Variants in SH3RF3 observed in about 807,000 individuals in gnomAD.
SH3RF3 encodes SH3 domain containing ring finger 3.
A neutral mutation model predicts 66.3 loss-of-function variants in SH3RF3; 29 were observed. The observed-to-expected ratio is 0.44, with a 90% CI of 0.33 to 0.60. SH3RF3 has a LOEUF of 0.60. Ranked by LOEUF, SH3RF3 falls within the 20% of genes least tolerant of loss-of-function variation. SH3RF3 has a pLI of 0.04. For synonymous variants in SH3RF3, 583 were observed against 532.0 expected, an observed-to-expected ratio of 1.10 and a Z score of -1.32; for missense variants, 1,194 against 1,190.9, an observed-to-expected ratio of 1.00 and a Z score of -0.04.
intron 1 of SH3RF3, among the ~76,000 whole-genome samples, chr2:109,216,115 G>A (rs1679096974): frequency 6.6e-6 from 1 of 152,204 alleles, no homozygotes; most frequent in Non-Finnish European, 1.5e-5. Context: ...GAACCCGGGG[G>A]ACATCGTGAG....
At chr2:109,364,093 A>G (rs1273017583) in intron 2 of SH3RF3, among the ~76,000 whole-genome samples, 3 of 150,222 alleles carry the variant, frequency 2.0e-5, no homozygotes, top group Non-Finnish European at 4.4e-5. Flanking sequence ...TTCCCATTAC[A>G]TATGTATAAT....
rs1023641313 is a variant in SH3RF3 at position 109,143,722 on chromosome 2, C to A, written c.573+13609C>A. ...TGAGCCGTGATCGCACCACTGCACT[C>A]CAGCCTGGGCAACAGAGTGACACCC... is the stretch of plus-strand genomic sequence containing the variant. On this transcript the variant is annotated intron_variant, in intron 1 of 9. Coordinates refer to ENST00000309415, the MANE Select transcript of SH3RF3 (RefSeq NM_001099289.3). Among the ~76,000 whole-genome samples, 23 of 152,180 alleles carry A rather than the reference C, an allele frequency of 1.5e-4. 1 individual carries two copies. The East Asian group carries it at 4.4e-3, about 29-fold the overall frequency.
rs201884932 is a variant in SH3RF3, at chr2:109,398,767, A to G, written c.1123A>G (p.Asn375Asp). The stretch of plus-strand genomic sequence containing the variant: ...TCAGCGGCGTGTGGATGGCAAGAAG[A>G]ACACCAAGAAACGCCACTCCTTCAC... The part of the protein sequence containing the change: ...AFQRRVDGKK[N>D]TKKRHSFTAL... The change falls in exon 4 of 10, where the codon AAC becomes GAC. Residue 375 changes from asparagine (N) to aspartate (D), a missense_variant. Physicochemically the swap from Asn to Asp is conservative, Grantham distance 23 (BLOSUM62 1). Transcript: ENST00000309415. 8.1e-4 allele frequency: 1,305 copies of G among 1,613,562 alleles called. 1 individual carries two copies. The highest frequency in any genetic ancestry group is 9.7e-4 in the Non-Finnish European group (1,141 of 1,179,828).
chr2:109,375,350 C>T (rs754364726), intron 3 of SH3RF3, among the ~76,000 whole-genome samples: 1 of 152,254 alleles, frequency 6.6e-6, no homozygotes, highest in Non-Finnish European at 1.5e-5. Context: ...GGACCCAGGG[C>T]ACGTCTCCCT....
chr2:109,162,094 C>G (rs1395126920), intron 1 of SH3RF3, among the ~76,000 whole-genome samples: 1 of 152,186 alleles, frequency 6.6e-6, no homozygotes, highest in Non-Finnish European at 1.5e-5. Context: ...TGCTGGCTGG[C>G]AGAGACAGGA....
At chr2:109,342,985 G>A (rs567230134) in intron 1 of SH3RF3, among the ~76,000 whole-genome samples, 64 of 152,116 alleles carry the variant, frequency 4.2e-4, no homozygotes, top group African/African-American at 1.4e-3. Flanking sequence ...AAATAATGGC[G>A]GCTTAGTGAC....
intron 1 of SH3RF3, among the ~76,000 whole-genome samples, chr2:109,133,761 T>C (rs1676751563): frequency 6.6e-6 from 1 of 151,136 alleles, no homozygotes; most frequent in Non-Finnish European, 1.5e-5. Flanking sequence ...CTTCTTTCCC[T>C]GTTACAGACT....
At chr2:109,310,354 A>G (rs1243767579) in intron 1 of SH3RF3, among the ~76,000 whole-genome samples, 1 of 39,246 alleles carries the variant, frequency 2.5e-5, no homozygotes, top group African/African-American at 2.1e-4. Flanking sequence ...GTGTAGAGGG[A>G]AATTTATAGC....
intron 1 of SH3RF3, among the ~76,000 whole-genome samples, chr2:109,141,206 A>G (rs1428429094): frequency 6.6e-6 from 1 of 152,088 alleles, no homozygotes; most frequent in Non-Finnish European, 1.5e-5. Context: ...TTCTGGCTCC[A>G]TTTTTATTTG....
chr2:109,489,711 A>C lies in SH3RF3; in HGVS notation c.2149-894A>C, dbSNP rs528454671. The stretch of plus-strand genomic sequence containing the variant: ...CTGCTAGATTTTGGAAGAGAAAGGA[A>C]AACAAGTGTCGGACAAGGTTTTTTT... On this transcript the variant is annotated intron_variant, in intron 8 of 9. Transcript: ENST00000309415. Among the ~76,000 whole-genome samples, 8 of 131,872 alleles carry C rather than the reference A, an allele frequency of 6.1e-5. 1 individual carries two copies. In the Admixed American group the frequency reaches 7.4e-4, roughly 12 times the overall value. 86.5% of individuals were successfully genotyped at this position (131,872 alleles called of 152,430 possible). A position where few individuals can be genotyped will look rare whatever the true frequency, so the allele number is the denominator to read the frequency against.
At chr2:109,276,648 AATCTG>A (rs1680764669) in intron 1 of SH3RF3, among the ~76,000 whole-genome samples, 1 of 152,216 alleles carries the variant, frequency 6.6e-6, no homozygotes, top group East Asian at 1.9e-4. Flanking sequence ...GCGCTGGACA[AATCTG>A]AACTGTTACC....
At chr2:109,469,148 T>C (rs1370160360) in intron 8 of SH3RF3, among the ~76,000 whole-genome samples, 1 of 152,150 alleles carries the variant, frequency 6.6e-6, no homozygotes, top group Non-Finnish European at 1.5e-5. Flanking sequence ...ACCCCAAGAA[T>C]GCGGGCCCCC....
At chr2:109,322,368 C>G (rs994770876) in intron 1 of SH3RF3, among the ~76,000 whole-genome samples, 5 of 152,148 alleles carry the variant, frequency 3.3e-5, no homozygotes, top group African/African-American at 1.2e-4. Flanking sequence ...CCGAAATGTT[C>G]CCACAGGCAG....
chr2:109,222,692 C>G (rs1679283847), intron 1 of SH3RF3, among the ~76,000 whole-genome samples: 3 of 152,246 alleles, frequency 2.0e-5, no homozygotes, highest in African/African-American at 2.4e-5. Context: ...TGTACCTCCT[C>G]CCTAAAACCC....
intron 3 of SH3RF3, among the ~76,000 whole-genome samples, chr2:109,396,468 C>T (rs960112863): frequency 6.6e-6 from 1 of 152,250 alleles, no homozygotes; most frequent in African/African-American, 2.4e-5. Context: ...TGCAGCCACC[C>T]TGCTCCTGTG....
intron 7 of SH3RF3, among the ~76,000 whole-genome samples, chr2:109,448,238 A>G (rs1677763171): frequency 1.3e-5 from 2 of 152,208 alleles, no homozygotes; most frequent in Admixed American, 1.3e-4. Context: ...CTTTATGTTT[A>G]TGAGCATTTT....
At chr2:109,154,819 C>G (rs187009834) in intron 1 of SH3RF3, among the ~76,000 whole-genome samples, 1 of 152,162 alleles carries the variant, frequency 6.6e-6, no homozygotes, top group Non-Finnish European at 1.5e-5. Flanking sequence ...TGCATAGAGC[C>G]TTCTGAAGCC....
At chr2:109,218,208 T>C in intron 1 of SH3RF3, among the ~76,000 whole-genome samples, 1 of 152,084 alleles carries the variant, frequency 6.6e-6, no homozygotes, top group East Asian at 1.9e-4. Flanking sequence ...GTGACAAAAT[T>C]TAGTTTTCAT....
At chr2:109,156,957 A>G (rs1677361767) in intron 1 of SH3RF3, among the ~76,000 whole-genome samples, 2 of 152,222 alleles carry the variant, frequency 1.3e-5, no homozygotes, top group South Asian at 4.1e-4. Context: ...GACTACCAAT[A>G]AGGTTAATAA....
Sources: allele counts gnomAD v4.1 joint callset (sites outside exome capture counted in the v4.1 genomes callset), GRCh38; gene constraint gnomAD v4.1.1; transcripts MANE v1.5; gene names NCBI Gene and HGNC (gene_info 2026-07-23, HGNC 2026-07-21).